VEPH1: variants seen among roughly 807,000 people sequenced by gnomAD.
VEPH1 encodes the protein ventricular zone expressed PH domain containing 1.
In VEPH1, 80 loss-of-function variants were observed where a neutral mutation model predicts 85.2. That is an observed-to-expected ratio of 0.94 (90% CI 0.78 to 1.13). The LOEUF is 1.13. VEPH1 is among the 50% of genes most tolerant of loss of function. VEPH1 has a pLI of 0.00. For synonymous variants in VEPH1, 297 were observed against 348.0 expected, an observed-to-expected ratio of 0.85 and a Z score of 1.63; for missense variants, 955 against 980.5, an observed-to-expected ratio of 0.97 and a Z score of 0.35.
At chr3:157,276,608 A>G (rs1715433646) in intron 12 of VEPH1, among the ~76,000 whole-genome samples, 1 of 152,246 alleles carries the variant, frequency 6.6e-6, no homozygotes, top group Admixed American at 6.5e-5. Flanking sequence ...AAAATTAAAG[A>G]CAAGGATGGC....
chr3:157,269,666 T>C (rs1473695520), intron 12 of VEPH1, among the ~76,000 whole-genome samples: 1 of 149,102 alleles, frequency 6.7e-6, no homozygotes, highest in Non-Finnish European at 1.5e-5. Context: ...TTTTTGCTAT[T>C]ACATCTAACA....
In VEPH1 at chr3:157,475,783, C is replaced by G. The variant is rs994867232; in HGVS notation, c.139-5254G>C. 2.6e-5 allele frequency among the ~76,000 whole-genome samples: 4 copies of G among 152,088 alleles called. No individual in the cohort carries two copies. The East Asian group carries it at 5.8e-4, about 22-fold the overall frequency. ...TATGTATAGACCTACTCAGGGTGAC[C>G]CTGAAAGACAAAAATGAGAGAACAT... is the stretch of plus-strand genomic sequence containing the variant. On this transcript the variant is annotated intron_variant, in intron 2 of 13. Coordinates refer to ENST00000362010, the MANE Select transcript of VEPH1 (RefSeq NM_001167912.2).
intron 4 of VEPH1, among the ~76,000 whole-genome samples, chr3:157,450,708 G>A (rs1271616971): frequency 5.9e-5 from 9 of 151,938 alleles, no homozygotes; most frequent in Non-Finnish European, 1.5e-5. Context: ...AATTTTATGA[G>A]ATACTTTTTA....
At chr3:157,391,739 A>C (rs1729873610) in intron 6 of VEPH1, among the ~76,000 whole-genome samples, 1 of 152,246 alleles carries the variant, frequency 6.6e-6, no homozygotes, top group Admixed American at 6.5e-5. Context: ...AATCCAGAGA[A>C]TGCCTGTGAG....
chr3:157,438,476 C>A (rs1733851043), intron 4 of VEPH1, among the ~76,000 whole-genome samples: 1 of 152,198 alleles, frequency 6.6e-6, no homozygotes, highest in African/African-American at 2.4e-5. Flanking sequence ...TAAAGCTAAT[C>A]TCCCGAAGGG....
At position 157,313,763 on chromosome 3, in the gene VEPH1, G is replaced by T. The variant is rs200045514; in HGVS notation, c.1876-8C>A. ...GGGTTCAGGAAACAGGCTCTGAAAG[G>T]GCATTAAAGACAGAAACAGAATATA... On this transcript the variant is annotated splice_region_variant and splice_polypyrimidine_tract_variant and intron_variant, in intron 10 of 13. Coordinates refer to ENST00000362010, the MANE Select transcript of VEPH1 (RefSeq NM_001167912.2). 1 of 1,613,956 alleles carries T rather than the reference G, an allele frequency of 6.2e-7. No homozygotes were observed. The highest frequency in any genetic ancestry group is 8.5e-7 in the Non-Finnish European group (1 of 1,179,944).
At chr3:157,369,440 C>T (rs548624776) in intron 7 of VEPH1, among the ~76,000 whole-genome samples, 9 of 152,230 alleles carry the variant, frequency 5.9e-5, no homozygotes, top group East Asian at 1.9e-4. Context: ...GAATTCTCAC[C>T]GCAAAGACTT....
chr3:157,333,337 C>T (rs140531199), intron 9 of VEPH1, among the ~76,000 whole-genome samples: 9 of 152,158 alleles, frequency 5.9e-5, no homozygotes, highest in African/African-American at 1.4e-4. Flanking sequence ...GAAGTTCACT[C>T]GGAAGACCTC....
At chr3:157,479,291 G>A (rs1737787792) in intron 2 of VEPH1, among the ~76,000 whole-genome samples, 2 of 152,160 alleles carry the variant, frequency 1.3e-5, no homozygotes, top group Non-Finnish European at 2.9e-5. Flanking sequence ...TTCTCACAGT[G>A]ACCTAGCCAT....
chr3:157,371,594 T>C (rs1048561094), intron 7 of VEPH1, among the ~76,000 whole-genome samples: 20 of 152,040 alleles, frequency 1.3e-4, no homozygotes, highest in African/African-American at 4.8e-4. Context: ...TTTAATACGG[T>C]CCCCAGGTGT....
intron 3 of VEPH1, among the ~76,000 whole-genome samples, chr3:157,469,474 AG>A (rs1472579361): frequency 1.3e-5 from 2 of 152,196 alleles, no homozygotes; most frequent in African/African-American, 4.8e-5. Context: ...GGGAGGAGAA[AG>A]GAGGTTTCAT....
At chr3:157,310,059 C>T (rs1336630436) in intron 11 of VEPH1, among the ~76,000 whole-genome samples, 8 of 152,158 alleles carry the variant, frequency 5.3e-5, no homozygotes, top group Non-Finnish European at 1.2e-4. Flanking sequence ...GGATTACAGG[C>T]ATGACTGTAC....
intron 12 of VEPH1, among the ~76,000 whole-genome samples, chr3:157,279,587 A>T (rs1715822607): frequency 6.6e-6 from 1 of 152,172 alleles, no homozygotes; most frequent in African/African-American, 2.4e-5. Context: ...CTCAGTTGGA[A>T]GGGGAATATT....
intron 6 of VEPH1, 182 bp downstream of exon 6, chr3:157,413,699 G>C (rs1354993046): frequency 1.0e-6 from 1 of 970,876 alleles, no homozygotes; most frequent in African/African-American, 1.8e-5. Flanking sequence ...AGAAATCCCA[G>C]GACAAATTTG....
At chr3:157,265,409 G>T in intron 13 of VEPH1, 117 bp downstream of exon 13, 1 of 1,144,954 alleles carries the variant, frequency 8.7e-7, no homozygotes, top group Non-Finnish European at 1.2e-6. Flanking sequence ...AATGCTGTAA[G>T]ATGGTGAAAT....
At chr3:157,304,008 C>A (rs1719132733) in intron 11 of VEPH1, among the ~76,000 whole-genome samples, 1 of 65,074 alleles carries the variant, frequency 1.5e-5, no homozygotes, top group African/African-American at 4.8e-5. Flanking sequence ...ACTTAAATTT[C>A]TCATCTTATA....
intron 9 of VEPH1, among the ~76,000 whole-genome samples, chr3:157,360,534 G>GACAA (rs1559991556): frequency 2.0e-5 from 3 of 151,906 alleles, no homozygotes; most frequent in African/African-American, 7.3e-5. Flanking sequence ...GATGCTTTTT[G>GACAA]ACTTATGATG....
intron 2 of VEPH1, among the ~76,000 whole-genome samples, chr3:157,472,293 C>T (rs552565110): frequency 6.6e-6 from 1 of 152,282 alleles, no homozygotes; most frequent in African/African-American, 2.4e-5. Context: ...TAACCATTTG[C>T]TTAGCTCTTA....
intron 11 of VEPH1, among the ~76,000 whole-genome samples, chr3:157,290,035 AACACACACACACACACACAC>A (rs34035101): frequency 1.5e-4 from 21 of 144,310 alleles, no homozygotes; most frequent in South Asian, 2.3e-4. Context: ...ATTATACACA[AACACACACACACACACACAC>A]ACACACACAC....
Sources: gnomAD v4.1 joint callset for allele counts (sites outside exome capture counted in the v4.1 genomes callset) on GRCh38, gnomAD v4.1.1 for gene constraint, MANE v1.5 for transcripts, NCBI Gene and HGNC (gene_info 2026-07-23, HGNC 2026-07-21) for gene names.